PRDM6: variants seen among roughly 807,000 people sequenced by gnomAD.
The protein encoded by PRDM6 is PR/SET domain 6.
Under a neutral mutation model 60.8 loss-of-function variants are expected in PRDM6, and 25 were observed. The ratio of observed to expected loss-of-function variants is 0.41; its 90% CI spans 0.30 to 0.57. The LOEUF is 0.57. Ranked by LOEUF, PRDM6 falls within the 20% of genes least tolerant of loss-of-function variation. PRDM6 has a pLI of 0.27. For synonymous variants in PRDM6, 407 were observed against 357.4 expected (o/e 1.14, Z -1.57); for missense variants, 839 against 821.3 (o/e 1.02, Z -0.26).
chr5:123,171,052 G>A lies in PRDM6; in HGVS notation c.1440G>A (p.Lys480=). The change falls in exon 6 of 8, where the codon AAG becomes AAA. Residue 480 remains lysine, a synonymous_variant. Coordinates refer to ENST00000407847, the MANE Select transcript of PRDM6 (RefSeq NM_001136239.4). ...WHLWKCGQCF[K]TFTQRILLQM... is the part of the protein sequence containing the mutation. ...TTTGGAAATGTGGGCAGTGCTTTAA[G>A]ACTTTCACCCAGCGGATCCTCTTAC... The A allele has an allele frequency of 1.3e-6, 2 of 1,552,090 alleles. No homozygotes were observed. Among genetic ancestry groups the A allele is most frequent in the Non-Finnish European group, 8.7e-7 (1 of 1,147,036 alleles).
At chr5:123,143,424 A>G (rs1180871620) in intron 3 of PRDM6, among the ~76,000 whole-genome samples, 1 of 152,184 alleles carries the variant, frequency 6.6e-6, no homozygotes, top group East Asian at 1.9e-4. Flanking sequence ...TAGGAAGCCT[A>G]CAGGTTATAA....
intron 3 of PRDM6, among the ~76,000 whole-genome samples, chr5:123,127,468 C>T (rs1437935430): frequency 6.6e-6 from 1 of 152,194 alleles, no homozygotes; most frequent in African/African-American, 2.4e-5. Context: ...AATTCAGTCT[C>T]TGTGTGTAGC....
chr5:123,188,328 A>T lies in PRDM6; in HGVS notation c.*1127A>T, dbSNP rs934351353. On this transcript the variant is annotated 3_prime_UTR_variant, in exon 8 of 8. Coordinates refer to ENST00000407847, the MANE Select transcript of PRDM6 (RefSeq NM_001136239.4). ...AGAACAGATAGCCCAGGAGCAGCTA[A>T]TTTTATCAATAGGATTACTTTGTCT... is the stretch of plus-strand genomic sequence containing the variant. 2 of 152,184 alleles carry T rather than the reference A, an allele frequency of 1.3e-5. No individual in the cohort carries two copies. The highest frequency in any genetic ancestry group is 2.9e-5 in the Non-Finnish European group (2 of 68,038). The allele number at this position is 152,184 out of a possible 1,614,324, so 9.4% of individuals were successfully genotyped here.
intron 3 of PRDM6, among the ~76,000 whole-genome samples, chr5:123,115,193 A>G (rs1561819475): frequency 6.6e-6 from 1 of 152,148 alleles, no homozygotes; most frequent in Non-Finnish European, 1.5e-5. Flanking sequence ...TCCCCTGACA[A>G]TAAAGGGAAG....
chr5:123,145,643 G>A lies in PRDM6; in HGVS notation c.901-10241G>A, dbSNP rs116758797. Among the ~76,000 whole-genome samples, 714 of 152,250 alleles carry A rather than the reference G, an allele frequency of 4.7e-3. 10 individuals carry two copies. Among genetic ancestry groups the A allele is most frequent in the African/African-American group, 0.017 (686 of 41,548 alleles). The stretch of plus-strand genomic sequence containing the variant: ...TCTCTTGCATAGTTGTCTGATCCAG[G>A]GCAGGACAGTGTAAACTGGGAACTG... On this transcript the variant is annotated intron_variant, in intron 3 of 7. Coordinates refer to ENST00000407847, the MANE Select transcript of PRDM6 (RefSeq NM_001136239.4).
At chr5:123,186,993 T>G (rs1005968775) in intron 7 of PRDM6, 94 bp from the exon 8 acceptor site, 1 of 915,010 alleles carries the variant, frequency 1.1e-6, no homozygotes, top group African/African-American at 1.7e-5. Flanking sequence ...GAAGCCACTT[T>G]GGAGTGTCTG....
intron 5 of PRDM6, among the ~76,000 whole-genome samples, chr5:123,168,121 A>G (rs1765799885): frequency 6.6e-6 from 1 of 152,214 alleles, no homozygotes; most frequent in Non-Finnish European, 1.5e-5. Flanking sequence ...GTGCCATAAT[A>G]TATTTTTTAA....
chr5:123,119,785 C>T (rs1357003875), intron 3 of PRDM6, among the ~76,000 whole-genome samples: 1 of 152,162 alleles, frequency 6.6e-6, no homozygotes, highest in Non-Finnish European at 1.5e-5. Flanking sequence ...TTAAAACCAG[C>T]AGTAATATCT....
chr5:123,145,432 G>T (rs1349727046), intron 3 of PRDM6, among the ~76,000 whole-genome samples: 1 of 152,202 alleles, frequency 6.6e-6, no homozygotes, highest in Non-Finnish European at 1.5e-5. Flanking sequence ...AAAGAATGCT[G>T]TCTGGGAAGT....
intron 3 of PRDM6, among the ~76,000 whole-genome samples, chr5:123,153,948 A>T (rs1765434868): frequency 6.6e-6 from 1 of 152,052 alleles, no homozygotes; most frequent in Admixed American, 6.6e-5. Context: ...TTTATTCTTG[A>T]GGGAAGGGAG....
rs1764062051 is a variant in PRDM6 at position 123,099,974 on chromosome 5, C to T, written c.900+13C>T. ...GCATCTCTGGGAGGTAAGTGGCCGG[C>T]TGCACAGCGCCTCCCCACCGAGCAG... On this transcript the variant is annotated intron_variant, in intron 3 of 7. Transcript: ENST00000407847. This position sits in a 1 kb window ranked among gnomAD's most constrained non-coding sequence, Gnocchi z 4.0. 2.0e-6 allele frequency: 3 copies of T among 1,489,864 alleles called. No individual in the cohort carries two copies. The highest frequency in any genetic ancestry group is 2.1e-5 in the Admixed American group (1 of 46,892). The allele number at this position is 1,489,864 out of a possible 1,614,324, so 92.3% of individuals were successfully genotyped here. A position where few individuals can be genotyped will look rare whatever the true frequency, so the allele number is the denominator to read the frequency against.
chr5:123,185,497 A>G (rs759065962), intron 7 of PRDM6, among the ~76,000 whole-genome samples: 33 of 152,332 alleles, frequency 2.2e-4, no homozygotes, highest in Non-Finnish European at 4.7e-4. Context: ...GAATACACCA[A>G]AAATCATTAG....
At chr5:123,160,917 A>G (rs1765615111) in intron 5 of PRDM6, among the ~76,000 whole-genome samples, 1 of 152,182 alleles carries the variant, frequency 6.6e-6, no homozygotes, top group African/African-American at 2.4e-5. Flanking sequence ...GTGAGAGGCA[A>G]ATGTAGACAT....
intron 6 of PRDM6, among the ~76,000 whole-genome samples, chr5:123,174,897 C>A (rs1580539024): frequency 6.6e-6 from 1 of 152,152 alleles, no homozygotes; most frequent in South Asian, 2.1e-4. Flanking sequence ...TAAGCAAAAT[C>A]AAAAATCTCT....
intron 3 of PRDM6, among the ~76,000 whole-genome samples, chr5:123,120,871 G>T (rs1764564209): frequency 6.6e-6 from 1 of 152,196 alleles, no homozygotes; most frequent in Non-Finnish European, 1.5e-5. Context: ...ATCTTTTGGA[G>T]CCGTAGGTTT....
intron 6 of PRDM6, among the ~76,000 whole-genome samples, chr5:123,177,276 A>G (rs969181512): frequency 1.3e-5 from 2 of 152,214 alleles, no homozygotes; most frequent in African/African-American, 4.8e-5. Flanking sequence ...AGGGGGTTTA[A>G]AGGAATCTTG....
At chr5:123,164,457 T>A (rs1439102610) in intron 5 of PRDM6, among the ~76,000 whole-genome samples, 1 of 152,182 alleles carries the variant, frequency 6.6e-6, no homozygotes, top group Non-Finnish European at 1.5e-5. Flanking sequence ...AACCTAGCCC[T>A]AGTCGTAGGA....
intron 3 of PRDM6, among the ~76,000 whole-genome samples, chr5:123,142,874 G>C (rs13172330): frequency 0.078 from 1,336 of 17,108 alleles, 17 homozygotes; most frequent in Middle Eastern, 0.28. Context: ...GCACAGTGAA[G>C]ACCAAAAAAA....
Position 123,089,534 on chromosome 5 carries a change from G to C in PRDM6, c.-16+15G>C, listed in dbSNP as rs539625914. The C allele has an allele frequency of 6.3e-6, 1 of 157,956 alleles. No individual in the cohort carries two copies. The highest frequency in any genetic ancestry group is 1.4e-5 in the Non-Finnish European group (1 of 72,136). The allele number at this position is 157,956 out of a possible 1,614,324, so 9.8% of individuals were successfully genotyped here. A position where few individuals can be genotyped will look rare whatever the true frequency, so the allele number is the denominator to read the frequency against. On this transcript the variant is annotated intron_variant, in intron 1 of 7. Transcript: ENST00000407847. ...CGAGTTTTCAGGTAAGGTGAGGCTG[G>C]TCTGGGACTTAAGAGTCTAGGGCTT... is the stretch of plus-strand genomic sequence containing the variant.
Sources: gnomAD v4.1 joint callset for allele counts (sites outside exome capture counted in the v4.1 genomes callset) on GRCh38, gnomAD v4.1.1 for gene constraint, Gnocchi (gnomAD v3.1) non-coding constraint, MANE v1.5 for transcripts, NCBI Gene and HGNC (gene_info 2026-07-23, HGNC 2026-07-21) for gene names.